ADCY2: variants seen among roughly 807,000 people sequenced by gnomAD.
ADCY2 encodes adenylate cyclase 2.
Under a neutral mutation model 125.2 loss-of-function variants are expected in ADCY2, and 31 were observed. The ratio of observed to expected loss-of-function variants is 0.25; its 90% CI spans 0.19 to 0.33. The LOEUF is 0.33. Ranked by LOEUF, ADCY2 falls within the 10% of genes least tolerant of loss-of-function variation. ADCY2 has a pLI of 1.00. For missense variants in ADCY2, 904 were observed against 1,418.2 expected, an observed-to-expected ratio of 0.64 and a Z score of 5.82; for synonymous variants, 512 against 548.4, an observed-to-expected ratio of 0.93 and a Z score of 0.93.
At chr5:7,483,019 T>G (rs1275851262) in intron 2 of ADCY2, among the ~76,000 whole-genome samples, 2 of 151,400 alleles carry the variant, frequency 1.3e-5, no homozygotes, top group South Asian at 2.1e-4. Flanking sequence ...GGGAAGGGTG[T>G]GAGGGAAGAG....
intron 18 of ADCY2, among the ~76,000 whole-genome samples, chr5:7,778,371 A>T (rs1743809822): frequency 6.6e-6 from 1 of 152,338 alleles, no homozygotes; most frequent in African/African-American, 2.4e-5. Context: ...CTAGAGACAC[A>T]TGGGACATGG....
intron 3 of ADCY2, among the ~76,000 whole-genome samples, chr5:7,557,504 A>T (rs1273749691): frequency 1.3e-5 from 2 of 151,994 alleles, no homozygotes; most frequent in Non-Finnish European, 2.9e-5. Flanking sequence ...TTAGTTATTT[A>T]TCCTAATCCT....
chr5:7,790,304 T>C (rs150893112), intron 20 of ADCY2, among the ~76,000 whole-genome samples: 164 of 152,062 alleles, frequency 1.1e-3, no homozygotes, highest in African/African-American at 3.8e-3. Context: ...ACAGTGAGTG[T>C]GACAGGATTT....
intron 2 of ADCY2, among the ~76,000 whole-genome samples, chr5:7,520,186 G>A (rs1744391694): frequency 1.3e-5 from 2 of 152,184 alleles, no homozygotes. Context: ...GAACTGCTGT[G>A]TATGTTTAAC....
rs556941064 is a variant in ADCY2, at chr5:7,555,943, T to C, written c.570+35044T>C. Among the ~76,000 whole-genome samples, 10 of 151,940 alleles carry C rather than the reference T, an allele frequency of 6.6e-5. No individual in the cohort carries two copies. The East Asian group carries it at 1.9e-3, about 29-fold the overall frequency. ...AAATGAATATAACAAAAACTTTGCATTGTATCTCATGTGATAGACCTGTAC... is the reference window on the plus strand; with the variant it reads ...AAATGAATATAACAAAAACTTTGCACTGTATCTCATGTGATAGACCTGTAC... On this transcript the variant is annotated intron_variant, in intron 3 of 24. Coordinates refer to ENST00000338316, the MANE Select transcript of ADCY2 (RefSeq NM_020546.3).
chr5:7,485,181 T>A (rs1259536544), intron 2 of ADCY2, among the ~76,000 whole-genome samples: 2 of 152,214 alleles, frequency 1.3e-5, no homozygotes, highest in African/African-American at 2.4e-5. Context: ...CCTCCGAAAC[T>A]TGAATAGATA....
chr5:7,701,266 T>C (rs190193903), intron 7 of ADCY2, among the ~76,000 whole-genome samples: 24 of 152,266 alleles, frequency 1.6e-4, no homozygotes, highest in Admixed American at 5.9e-4. Context: ...CAATAACACA[T>C]TGGATTAAAG....
intron 3 of ADCY2, among the ~76,000 whole-genome samples, chr5:7,599,286 T>G (rs760342005): frequency 2.0e-5 from 3 of 151,600 alleles, no homozygotes; most frequent in Admixed American, 6.6e-5. Flanking sequence ...AGAAATAGAG[T>G]AGGAGAAGCA....
At chr5:7,414,989 G>A (rs1428399) in intron 2 of ADCY2, among the ~76,000 whole-genome samples, 2 of 72,546 alleles carry the variant, frequency 2.8e-5, no homozygotes, top group African/African-American at 7.9e-5. Context: ...CTGTATGTAT[G>A]TGTATTTATA....
chr5:7,481,535 G>C (rs534547354), intron 2 of ADCY2, among the ~76,000 whole-genome samples: 1 of 152,250 alleles, frequency 6.6e-6, no homozygotes, highest in South Asian at 2.1e-4. Flanking sequence ...CCAAAGTGCT[G>C]GGATTACAGG....
chr5:7,478,362 T>C (rs141534470), intron 2 of ADCY2, among the ~76,000 whole-genome samples: 4 of 152,340 alleles, frequency 2.6e-5, no homozygotes, highest in African/African-American at 9.6e-5. Context: ...GAAATGTTAT[T>C]CCATATAAAA....
intron 4 of ADCY2, among the ~76,000 whole-genome samples, chr5:7,683,031 GAC>G (rs1561164710): frequency 6.6e-6 from 1 of 152,178 alleles, no homozygotes; most frequent in Non-Finnish European, 1.5e-5. Flanking sequence ...GTGTAATTCT[GAC>G]ACCACTGAAA....
In ADCY2 at chr5:7,589,731, C is replaced by G. The variant is rs905784024; in HGVS notation, c.571-36436C>G. Among the ~76,000 whole-genome samples, 3 of 152,084 alleles carry G rather than the reference C, an allele frequency of 2.0e-5. No individual in the cohort carries two copies. In the South Asian group the frequency reaches 6.2e-4, roughly 32 times the overall value. ...TTTCAAGCATCTGTGAAGGGTTTCC[C>G]TCTTGCTCCTCCAGGGCACAGAGAT... On this transcript the variant is annotated intron_variant, in intron 3 of 24. Coordinates refer to ENST00000338316, the MANE Select transcript of ADCY2 (RefSeq NM_020546.3).
chr5:7,566,869 G>A (rs1320669248), intron 3 of ADCY2, among the ~76,000 whole-genome samples: 1 of 152,160 alleles, frequency 6.6e-6, no homozygotes, highest in Non-Finnish European at 1.5e-5. Context: ...TTTGGCCTGG[G>A]GGGGAGGTAT....
chr5:7,449,549 C>CA (rs1187324021), intron 2 of ADCY2, among the ~76,000 whole-genome samples: 10 of 152,034 alleles, frequency 6.6e-5, no homozygotes, highest in East Asian at 5.8e-4. Context: ...TATGAATAGC[C>CA]AAAAAATACA....
At chr5:7,702,222 TTTC>T (rs1741102965) in intron 7 of ADCY2, among the ~76,000 whole-genome samples, 1 of 132,500 alleles carries the variant, frequency 7.5e-6, no homozygotes, top group Admixed American at 7.6e-5. Flanking sequence ...TGAAACCCTG[TTTC>T]TTTTTTTTTT....
intron 7 of ADCY2, among the ~76,000 whole-genome samples, chr5:7,702,002 T>C (rs931821276): frequency 1.3e-4 from 20 of 152,208 alleles, no homozygotes; most frequent in Non-Finnish European, 7.3e-5. Flanking sequence ...AGTCAGGCAA[T>C]GGCTTTGCGT....
chr5:7,440,781 A>G (rs1383042314), intron 2 of ADCY2, among the ~76,000 whole-genome samples: 1 of 152,232 alleles, frequency 6.6e-6, no homozygotes. Flanking sequence ...AAAGAAATCA[A>G]TAAATGCTGA....
intron 2 of ADCY2, among the ~76,000 whole-genome samples, chr5:7,513,881 G>A (rs1744166701): frequency 6.6e-6 from 1 of 152,022 alleles, no homozygotes; most frequent in Non-Finnish European, 1.5e-5. Flanking sequence ...TCTGCCTTTG[G>A]TTATAAAATA....
Sources: gnomAD v4.1 joint callset for allele counts (sites outside exome capture counted in the v4.1 genomes callset) on GRCh38, gnomAD v4.1.1 for gene constraint, MANE v1.5 for transcripts, NCBI Gene and HGNC (gene_info 2026-07-23, HGNC 2026-07-21) for gene names.